Variants in BBS9 observed in about 807,000 individuals in gnomAD.
BBS9 encodes Bardet-Biedl syndrome 9.
BBS9 carries 89 observed loss-of-function variants against 117.7 expected under a neutral mutation model. That is an observed-to-expected ratio of 0.76 (90% CI 0.64 to 0.90). BBS9 has a LOEUF of 0.90. Ranked by LOEUF, BBS9 falls within the 40% of genes least tolerant of loss-of-function variation. The probability of loss-of-function intolerance (pLI) is 0.00; values close to 1 mark genes in which losing one functional copy is unlikely to be tolerated. For synonymous variants in BBS9, 379 were observed against 370.9 expected, an observed-to-expected ratio of 1.02 and a Z score of -0.25; for missense variants, 982 against 1,042.2, an observed-to-expected ratio of 0.94 and a Z score of 0.80.
intron 19 of BBS9, among the ~76,000 whole-genome samples, chr7:33,409,478 A>G (rs997807564): frequency 6.6e-6 from 1 of 152,056 alleles, no homozygotes; most frequent in African/African-American, 2.4e-5. Flanking sequence ...GTGCAGCTCT[A>G]TTTCTGGGTT....
At chr7:33,509,872 G>C (rs1358073498) in intron 20 of BBS9, among the ~76,000 whole-genome samples, 2 of 152,194 alleles carry the variant, frequency 1.3e-5, no homozygotes, top group African/African-American at 2.4e-5. Flanking sequence ...TGTTTAAAAT[G>C]CCATTTCATT....
At chr7:33,361,747 T>C (rs567650191) in intron 16 of BBS9, among the ~76,000 whole-genome samples, 1 of 152,274 alleles carries the variant, frequency 6.6e-6, no homozygotes, top group South Asian at 2.1e-4. Context: ...ACTTTCTTCG[T>C]AGTTTCAGGT....
At chr7:33,384,635 A>G (rs1584593589) in intron 18 of BBS9, among the ~76,000 whole-genome samples, 1 of 151,968 alleles carries the variant, frequency 6.6e-6, no homozygotes, top group Admixed American at 6.6e-5. Flanking sequence ...AATTTTGAAC[A>G]TTATCCAAGT....
chr7:33,192,318 C>T (rs781244922), intron 5 of BBS9, among the ~76,000 whole-genome samples: 7 of 152,018 alleles, frequency 4.6e-5, no homozygotes, highest in Admixed American at 2.0e-4. Context: ...AAAAAATCTG[C>T]GTGATTTGGG....
At chr7:33,201,276 T>C (rs1384564790) in intron 5 of BBS9, among the ~76,000 whole-genome samples, 1 of 152,208 alleles carries the variant, frequency 6.6e-6, no homozygotes, top group Non-Finnish European at 1.5e-5. Context: ...TGGAGTTCCT[T>C]GTTTAGTTCA....
intron 5 of BBS9, among the ~76,000 whole-genome samples, chr7:33,206,960 A>G (rs1002971212): frequency 6.6e-6 from 1 of 152,108 alleles, no homozygotes; most frequent in African/African-American, 2.4e-5. Flanking sequence ...ATAGTCTCCC[A>G]TACCATTAAA....
intron 17 of BBS9, among the ~76,000 whole-genome samples, chr7:33,383,153 G>C (rs1563094789): frequency 6.6e-6 from 1 of 152,002 alleles, no homozygotes; most frequent in Non-Finnish European, 1.5e-5. Flanking sequence ...TTTAGAAAAG[G>C]GTCTGACTGC....
At chr7:33,236,782 C>T (rs1274633642) in intron 5 of BBS9, among the ~76,000 whole-genome samples, 2 of 151,930 alleles carry the variant, frequency 1.3e-5, no homozygotes, top group Non-Finnish European at 2.9e-5. Context: ...GTGGTGAGAA[C>T]ATTAAAAATC....
intron 9 of BBS9, chr7:33,314,342 T>C: frequency 2.5e-6 from 1 of 399,360 alleles, no homozygotes; most frequent in African/African-American, 2.1e-5. Flanking sequence ...AGAGGATATA[T>C]CTGAATACTT....
At chr7:33,157,267 A>G (rs926468753) in intron 4 of BBS9, among the ~76,000 whole-genome samples, 2 of 152,224 alleles carry the variant, frequency 1.3e-5, no homozygotes, top group Non-Finnish European at 2.9e-5. Flanking sequence ...AACGTACTGA[A>G]AGAAACTGGC....
chr7:33,471,556 G>T (rs1841040779), intron 19 of BBS9, among the ~76,000 whole-genome samples: 1 of 152,172 alleles, frequency 6.6e-6, no homozygotes, highest in Admixed American at 6.5e-5. Flanking sequence ...CAGAAACTAA[G>T]ATCTAGAAGG....
chr7:33,158,011 T>G (rs991983375), intron 4 of BBS9, among the ~76,000 whole-genome samples: 1 of 152,202 alleles, frequency 6.6e-6, no homozygotes, highest in East Asian at 1.9e-4. Flanking sequence ...GTACTGATTA[T>G]GTTGTTTTAA....
At chr7:33,152,329 A>G (rs1191081070) in intron 2 of BBS9, among the ~76,000 whole-genome samples, 1 of 152,160 alleles carries the variant, frequency 6.6e-6, no homozygotes, top group Admixed American at 6.5e-5. Flanking sequence ...AGTGTTTTCG[A>G]CAGCCACAAG....
At chr7:33,336,941 C>T (rs1815504276) in intron 10 of BBS9, among the ~76,000 whole-genome samples, 1 of 152,078 alleles carries the variant, frequency 6.6e-6, no homozygotes, top group African/African-American at 2.4e-5. Context: ...TTGAGAAGAG[C>T]ATTAAAATTT....
intron 19 of BBS9, among the ~76,000 whole-genome samples, chr7:33,435,067 G>A (rs950493793): frequency 1.3e-5 from 2 of 152,080 alleles, no homozygotes; most frequent in Non-Finnish European, 2.9e-5. Flanking sequence ...CAATTTGCCT[G>A]AAATACAATT....
chr7:33,371,118 C>T (rs1047737974), intron 17 of BBS9, among the ~76,000 whole-genome samples: 4 of 152,064 alleles, frequency 2.6e-5, no homozygotes, highest in Non-Finnish European at 4.4e-5. Context: ...TGAGGAGATG[C>T]ACACCCTTTA....
At chr7:33,477,384 A>T (rs1029296470) in intron 19 of BBS9, among the ~76,000 whole-genome samples, 1 of 152,194 alleles carries the variant, frequency 6.6e-6, no homozygotes, top group Non-Finnish European at 1.5e-5. Flanking sequence ...AGAAAAGTCC[A>T]TTTGAATGTA....
At chr7:33,342,894 A>T (rs1199448710) in intron 11 of BBS9, among the ~76,000 whole-genome samples, 7 of 152,296 alleles carry the variant, frequency 4.6e-5, no homozygotes, top group African/African-American at 1.4e-4. Context: ...TAGAGCACAA[A>T]GCCTGGATTA....
At chr7:33,200,449 CTTTG>C (rs374392853) in intron 5 of BBS9, among the ~76,000 whole-genome samples, 3 of 152,238 alleles carry the variant, frequency 2.0e-5, no homozygotes, top group African/African-American at 7.2e-5. Context: ...TAAACACATA[CTTTG>C]TTTGAATTAT....
Sources: gnomAD v4.1 joint callset for allele counts (sites outside exome capture counted in the v4.1 genomes callset) on GRCh38, gnomAD v4.1.1 for gene constraint, MANE v1.5 for transcripts, NCBI Gene and HGNC (gene_info 2026-07-23, HGNC 2026-07-21) for gene names.